Variants in TARS3 observed in about 807,000 individuals in gnomAD.
TARS3 encodes threonyl-tRNA synthetase 3.
Under a neutral mutation model 103.5 loss-of-function variants are expected in TARS3, and 94 were observed. That is an observed-to-expected ratio of 0.91 (90% CI 0.77 to 1.08). The LOEUF (loss-of-function observed/expected upper bound fraction) is 1.08, where lower values mean the gene tolerates loss of function less well. Ranked by LOEUF, TARS3 falls within the 50% of genes least tolerant of loss-of-function variation. The probability of loss-of-function intolerance (pLI) is 0.00; values close to 1 mark genes in which losing one functional copy is unlikely to be tolerated. For synonymous variants in TARS3, 416 were observed against 355.4 expected (o/e 1.17, Z -1.92); for missense variants, 952 against 995.2 (o/e 0.96, Z 0.58).
intron 12 of TARS3, among the ~76,000 whole-genome samples, chr15:101,683,717 G>A (rs751138253): frequency 6.6e-6 from 1 of 152,136 alleles, no homozygotes; most frequent in Non-Finnish European, 1.5e-5. Flanking sequence ...AGGTCAAATT[G>A]TTTGACAGTG....
At chr15:101,664,386 C>T (rs1897497814) in intron 15 of TARS3, 1 of 152,188 alleles carries the variant, frequency 6.6e-6, no homozygotes, top group Admixed American at 6.5e-5. Context: ...TCCTCCAAAA[C>T]GGAGAGATTA....
intron 5 of TARS3, among the ~76,000 whole-genome samples, chr15:101,709,989 C>A (rs1244200528): frequency 6.6e-6 from 1 of 152,166 alleles, no homozygotes; most frequent in Admixed American, 6.5e-5. Flanking sequence ...GAACTGGTCA[C>A]CACAAAGACC....
At chr15:101,713,494 G>C (rs1043508041) in intron 4 of TARS3, among the ~76,000 whole-genome samples, 8 of 152,202 alleles carry the variant, frequency 5.3e-5, no homozygotes, top group Non-Finnish European at 1.0e-4. Context: ...CAGTTTCTTG[G>C]GTGGTTCTAT....
chr15:101,691,274 T>TTATA (rs67629619), intron 10 of TARS3, among the ~76,000 whole-genome samples: 32 of 135,624 alleles, frequency 2.4e-4, no homozygotes, highest in Non-Finnish European at 2.7e-4. Context: ...ACCTCAGTAT[T>TTATA]TATATATATA....
chr15:101,673,246 G>T (rs976360099), intron 13 of TARS3, among the ~76,000 whole-genome samples: 1 of 152,122 alleles, frequency 6.6e-6, no homozygotes, highest in African/African-American at 2.4e-5. Context: ...CATTAATTAA[G>T]AAAGGAGCAA....
intron 15 of TARS3, among the ~76,000 whole-genome samples, chr15:101,671,194 G>C (rs1411238288): frequency 6.6e-6 from 1 of 152,138 alleles, no homozygotes; most frequent in Non-Finnish European, 1.5e-5. Context: ...CCCAATGCCA[G>C]CATTTTGTGA....
chr15:101,688,025 A>G (rs1205021223), intron 10 of TARS3, among the ~76,000 whole-genome samples: 2 of 152,164 alleles, frequency 1.3e-5, no homozygotes, highest in Non-Finnish European at 2.9e-5. Flanking sequence ...ACTTTGTTAT[A>G]GCAGCACAAA....
At chr15:101,715,945 TTTTGA>T (rs1230589947) in intron 3 of TARS3, among the ~76,000 whole-genome samples, 1 of 152,256 alleles carries the variant, frequency 6.6e-6, no homozygotes, top group Non-Finnish European at 1.5e-5. Context: ...AAAATTGTTG[TTTTGA>T]TTTAATTATT....
chr15:101,710,656 T>C lies in TARS3; in HGVS notation c.812+1224A>G, dbSNP rs567097751. Among the ~76,000 whole-genome samples, 272 of 152,284 alleles carry C rather than the reference T, an allele frequency of 1.8e-3. 2 individuals carry two copies. The highest frequency in any genetic ancestry group is 2.2e-3 in the Non-Finnish European group (148 of 68,024). On this transcript the variant is annotated intron_variant, in intron 5 of 18. Coordinates refer to ENST00000335968, the MANE Select transcript of TARS3 (RefSeq NM_152334.3). ...AACACAGTTTCATGCTTGTGAGTAA[T>C]AGTGGTTCAGATTGGACAAGTCTGT...
chr15:101,676,360 G>C (rs72761649), intron 12 of TARS3, among the ~76,000 whole-genome samples: 25,176 of 152,200 alleles, frequency 0.17, 2,371 homozygotes, highest in Non-Finnish European at 0.21. Flanking sequence ...GATTAGAAGA[G>C]AGCCCCATCA....
chr15:101,684,418 C>T (rs1186026140), intron 11 of TARS3, among the ~76,000 whole-genome samples, 181 bp from the exon 12 acceptor site: 1 of 152,170 alleles, frequency 6.6e-6, no homozygotes, highest in Non-Finnish European at 1.5e-5. Flanking sequence ...TACATCACTG[C>T]AGCACTCTGA....
At chr15:101,670,497 TAACA>T (rs1313374760) in intron 15 of TARS3, among the ~76,000 whole-genome samples, 1 of 152,186 alleles carries the variant, frequency 6.6e-6, no homozygotes, top group Non-Finnish European at 1.5e-5. Flanking sequence ...TAGAACTACT[TAACA>T]AACAAAACCT....
intron 16 of TARS3, among the ~76,000 whole-genome samples, chr15:101,659,442 C>T (rs1280837398): frequency 6.6e-6 from 1 of 152,186 alleles, no homozygotes; most frequent in Non-Finnish European, 1.5e-5. Flanking sequence ...CTCAAGGACC[C>T]ACACTTTAGC....
chr15:101,657,428 T>C (rs1273136162), intron 17 of TARS3, among the ~76,000 whole-genome samples: 1 of 152,208 alleles, frequency 6.6e-6, no homozygotes, highest in African/African-American at 2.4e-5. Context: ...GCTGAGCTGC[T>C]CCCAGACCCT....
chr15:101,719,719 G>A (rs187242598), intron 3 of TARS3, among the ~76,000 whole-genome samples: 22 of 152,256 alleles, frequency 1.4e-4, no homozygotes, highest in African/African-American at 5.1e-4. Context: ...GCCCATGCAA[G>A]GACCCAGCTT....
intron 10 of TARS3, among the ~76,000 whole-genome samples, chr15:101,694,043 A>T (rs1898856561): frequency 6.6e-6 from 1 of 152,196 alleles, no homozygotes; most frequent in Non-Finnish European, 1.5e-5. Flanking sequence ...AAAAAAAGGT[A>T]AGAAAAGTAC....
At chr15:101,657,465 A>G (rs1475434439) in intron 17 of TARS3, among the ~76,000 whole-genome samples, 1 of 152,224 alleles carries the variant, frequency 6.6e-6, no homozygotes, top group African/African-American at 2.4e-5. Flanking sequence ...GAGATCATCA[A>G]TGTTTGTTGT....
At position 101,714,230 on chromosome 15, in the gene TARS3, T is replaced by C. The variant is rs541513620; in HGVS notation, c.690+610A>G. Among the ~76,000 whole-genome samples, 12 of 152,280 alleles carry C rather than the reference T, an allele frequency of 7.9e-5. No homozygotes were observed. In the South Asian group the frequency reaches 2.3e-3, roughly 29 times the overall value. ...TTAAATTATAAAGTAGACCCATTTT[T>C]AATGGCCTACTAACAATTCATTTCA... On this transcript the variant is annotated intron_variant, in intron 4 of 18. Coordinates refer to ENST00000335968, the MANE Select transcript of TARS3 (RefSeq NM_152334.3).
At position 101,690,948 on chromosome 15, in the gene TARS3, T is replaced by C. The variant is rs115368078; in HGVS notation, c.1321-4886A>G. Among the ~76,000 whole-genome samples, 189 of 151,488 alleles carry C rather than the reference T, an allele frequency of 1.2e-3. 3 individuals carry two copies. Among genetic ancestry groups the C allele is most frequent in the African/African-American group, 4.1e-3 (169 of 41,296 alleles). On this transcript the variant is annotated intron_variant, in intron 10 of 18. Coordinates refer to ENST00000335968, the MANE Select transcript of TARS3 (RefSeq NM_152334.3). Reference sequence around the variant, plus strand: ...GAAAATTATTTAATGGGTATCAATCTTTTTTTTTGAAATGGAGTCTCGCTC... The same window carrying C: ...GAAAATTATTTAATGGGTATCAATCCTTTTTTTTGAAATGGAGTCTCGCTC...
Sources: allele counts gnomAD v4.1 joint callset (sites outside exome capture counted in the v4.1 genomes callset), GRCh38; gene constraint gnomAD v4.1.1; transcripts MANE v1.5; gene names NCBI Gene and HGNC (gene_info 2026-07-23, HGNC 2026-07-21).